The following ZYG11B variants were observed in gnomAD, a reference collection of about 807,000 sequenced individuals.
ZYG11B encodes the protein protein zyg-11 homolog B.
ZYG11B carries 36 observed loss-of-function variants against 82.4 expected under a neutral mutation model. That is an observed-to-expected ratio of 0.44 (90% confidence interval 0.33 to 0.58). The LOEUF is 0.58. Ranked by LOEUF, ZYG11B falls within the 20% of genes least tolerant of loss-of-function variation. The pLI, the probability that ZYG11B is intolerant of heterozygous loss-of-function variation, is 0.02. For synonymous variants in ZYG11B, 303 were observed against 312.8 expected, an observed-to-expected ratio of 0.97 and a Z score of 0.33; for missense variants, 552 against 895.6, an observed-to-expected ratio of 0.62 and a Z score of 4.90.
Position 52,823,841 on chromosome 1 carries a change from A to G in ZYG11B, c.*2212A>G, listed in dbSNP as rs933847127. ...AATAGTTGAAGCATCCAAAATATGTAAAAGCAAGGGTGGGCGTAGTGGCTC... is the reference window on the plus strand; with the variant it reads ...AATAGTTGAAGCATCCAAAATATGTGAAAGCAAGGGTGGGCGTAGTGGCTC... On this transcript the variant is annotated 3_prime_UTR_variant, in exon 14 of 14. Coordinates refer to ENST00000294353, the MANE Select transcript of ZYG11B (RefSeq NM_024646.3). 1.3e-5 allele frequency: 2 copies of G among 152,222 alleles called. No homozygotes were observed. The highest frequency in any genetic ancestry group is 4.8e-5 in the African/African-American group (2 of 41,460). 9.4% of individuals were successfully genotyped at this position (152,222 alleles called of 1,614,324 possible). A position where few individuals can be genotyped will look rare whatever the true frequency, so the allele number is the denominator to read the frequency against.
chr1:52,820,059 G>C (rs190573305), intron 13 of ZYG11B, among the ~76,000 whole-genome samples: 2,136 of 150,812 alleles, frequency 0.014, 59 homozygotes, highest in African/African-American at 0.05. Context: ...GACTATAGGC[G>C]CCTGCCACCA....
intron 5 of ZYG11B, among the ~76,000 whole-genome samples, chr1:52,787,629 TAGTA>T (rs1321585535): frequency 6.6e-6 from 1 of 152,236 alleles, no homozygotes; most frequent in Non-Finnish European, 1.5e-5. Context: ...GCAAGCTTGT[TAGTA>T]AGGCAGAATC....
At chr1:52,808,376 A>T (rs1409966043) in intron 10 of ZYG11B, among the ~76,000 whole-genome samples, 4 of 152,184 alleles carry the variant, frequency 2.6e-5, no homozygotes, top group Admixed American at 1.3e-4. Flanking sequence ...AAAAAAGAAA[A>T]AAAAGATTTA....
chr1:52,738,898 C>A (rs190123198), intron 1 of ZYG11B, among the ~76,000 whole-genome samples: 1 of 150,612 alleles, frequency 6.6e-6, no homozygotes, highest in East Asian at 2.0e-4. Context: ...GTGTGAGCCA[C>A]CATGCCCGGC....
At chr1:52,796,586 G>A (rs1645007922) in intron 7 of ZYG11B, 148 bp from the exon 8 acceptor site, 4 of 822,042 alleles carry the variant, frequency 4.9e-6, no homozygotes, top group African/African-American at 1.8e-5. Context: ...TTGGGAGGCC[G>A]AGGCAGGCCT....
chr1:52,775,696 CA>C (rs11311679), intron 3 of ZYG11B, among the ~76,000 whole-genome samples: 89,791 of 151,562 alleles, frequency 0.59, 29,298 homozygotes, highest in East Asian at 0.97. Flanking sequence ...GTCTCAAAAA[CA>C]AAAAAACAAC....
At chr1:52,795,301 C>T (rs2149953663) in intron 6 of ZYG11B, among the ~76,000 whole-genome samples, 1 of 152,302 alleles carries the variant, frequency 6.6e-6, no homozygotes, top group Admixed American at 6.5e-5. Flanking sequence ...TCTCGCCTTC[C>T]ACCATGATTG....
In ZYG11B at chr1:52,827,081, T is replaced by C. The variant is rs1645331093; in HGVS notation, c.*5452T>C. 1 of 152,244 alleles carries C rather than the reference T, an allele frequency of 6.6e-6. No individual in the cohort carries two copies. The highest frequency in any genetic ancestry group is 1.5e-5 in the Non-Finnish European group (1 of 68,044). The allele number at this position is 152,244 out of a possible 1,614,324, so 9.4% of individuals were successfully genotyped here. On this transcript the variant is annotated 3_prime_UTR_variant, in exon 14 of 14. Transcript: ENST00000294353. ...TGACTTATGAGTGTGAGAGAAGTTA[T>C]CTTTTGTTTGAATTCTGATAGAACA...
At chr1:52,752,348 G>T (rs1303212522) in intron 1 of ZYG11B, among the ~76,000 whole-genome samples, 2 of 152,186 alleles carry the variant, frequency 1.3e-5, no homozygotes, top group Admixed American at 6.5e-5. Context: ...AAGCTTCCAT[G>T]CCTCCTCCAG....
At chr1:52,804,167 C>T (rs1645121475) in intron 10 of ZYG11B, among the ~76,000 whole-genome samples, 1 of 152,022 alleles carries the variant, frequency 6.6e-6, no homozygotes, top group Admixed American at 6.6e-5. Flanking sequence ...ATCACTTGAC[C>T]CTAGGAGTTT....
intron 1 of ZYG11B, among the ~76,000 whole-genome samples, chr1:52,754,836 A>C (rs1350965504): frequency 6.6e-5 from 10 of 151,916 alleles, no homozygotes; most frequent in Non-Finnish European, 1.3e-4. Flanking sequence ...TCTTAGCTCT[A>C]CTATTTAGGA....
In ZYG11B at chr1:52,826,695, A is replaced by G. The variant is rs569324583; in HGVS notation, c.*5066A>G. On this transcript the variant is annotated 3_prime_UTR_variant, in exon 14 of 14. Transcript: ENST00000294353. ...TGCTGCTTCTCATGACTCTAAAGTA[A>G]AGCTCTTTTGGATAGCACAGCCTAA... The G allele has an allele frequency of 3.9e-5, 6 of 152,330 alleles. No homozygotes were observed. The highest frequency in any genetic ancestry group is 1.4e-4 in the African/African-American group (6 of 41,580). The allele number at this position is 152,330 out of a possible 1,614,324, so 9.4% of individuals were successfully genotyped here.
chr1:52,793,305 T>A (rs1423276416), intron 6 of ZYG11B, among the ~76,000 whole-genome samples: 1 of 151,568 alleles, frequency 6.6e-6, no homozygotes, highest in Non-Finnish European at 1.5e-5. Flanking sequence ...GGTCAGGAGT[T>A]CTAGAGCAGC....
intron 10 of ZYG11B, among the ~76,000 whole-genome samples, chr1:52,806,372 C>A (rs757795957): frequency 3.3e-5 from 5 of 152,168 alleles, no homozygotes; most frequent in African/African-American, 4.8e-5. Flanking sequence ...CACATCCTTT[C>A]TAATTTTCTG....
chr1:52,803,119 CACACATATATATAT>C (rs1558140104), intron 10 of ZYG11B, among the ~76,000 whole-genome samples: 2,169 of 54,782 alleles, frequency 0.04, 206 homozygotes, highest in African/African-American at 0.13. Flanking sequence ...TATATATATA[CACACATATATATAT>C]ACACACATAT....
chr1:52,757,263 T>C (rs906599211), intron 2 of ZYG11B, among the ~76,000 whole-genome samples: 1 of 152,092 alleles, frequency 6.6e-6, no homozygotes, highest in Non-Finnish European at 1.5e-5. Flanking sequence ...TCTTCCAACC[T>C]TGGCCTCCCA....
rs373930883 is a variant in ZYG11B, at chr1:52,811,813, G to A, written c.1696-1723G>A. 5.3e-5 allele frequency among the ~76,000 whole-genome samples: 8 copies of A among 152,108 alleles called. No homozygotes were observed. In the East Asian group the frequency reaches 5.8e-4, roughly 11 times the overall value. On this transcript the variant is annotated intron_variant, in intron 10 of 13. Coordinates refer to ENST00000294353, the MANE Select transcript of ZYG11B (RefSeq NM_024646.3). ...TGGGAGGCCAAGGCGGGCGGATCAC[G>A]AGGTCAGGAAATTGAGACCATCCTG...
chr1:52,772,571 C>T, intron 3 of ZYG11B: 1 of 1,601,450 alleles, frequency 6.2e-7, no homozygotes, highest in Non-Finnish European at 8.6e-7. Context: ...ATGTCAACTT[C>T]AACCAAGTGG....
intron 3 of ZYG11B, chr1:52,772,547 C>T: frequency 6.2e-7 from 1 of 1,610,378 alleles, no homozygotes; most frequent in Non-Finnish European, 8.5e-7. Flanking sequence ...AAATCTGCTC[C>T]TTCACGTCGT....
Sources: gnomAD v4.1 joint callset for allele counts (sites outside exome capture counted in the v4.1 genomes callset) on GRCh38, gnomAD v4.1.1 for gene constraint, MANE v1.5 for transcripts, NCBI Gene and HGNC (gene_info 2026-07-23, HGNC 2026-07-21) for gene names.